Variants in SPEG observed in about 807,000 individuals in gnomAD.
SPEG encodes the protein striated muscle enriched protein kinase.
A neutral mutation model predicts 300.4 loss-of-function variants in SPEG; 114 were observed. The ratio of observed to expected loss-of-function variants is 0.38; its 90% CI spans 0.33 to 0.44. The LOEUF (loss-of-function observed/expected upper bound fraction) is 0.44. Among genes scored for constraint, SPEG ranks in the 20% least tolerant of loss-of-function variants. SPEG has a pLI of 1.00. For missense variants in SPEG, 4,201 were observed against 4,586.2 expected (o/e 0.92, Z 2.43); for synonymous variants, 1,964 against 2,018.9 (o/e 0.97, Z 0.73).
Position 219,466,149 on chromosome 2 carries a change from C to T in SPEG, c.2882-1025C>T, listed in dbSNP as rs1202349367. The stretch of plus-strand genomic sequence containing the variant: ...ACCTCTCGGACCTCGCTGTGTTTCA[C>T]TGCCTCCTGCCCACAGACCCAGGCC... On this transcript the variant is annotated intron_variant, in intron 9 of 40. Transcript: ENST00000312358. 7 of 1,540,484 alleles carry T rather than the reference C, an allele frequency of 4.5e-6. No homozygotes were observed. The East Asian group carries it at 1.7e-4, about 37-fold the overall frequency.
intron 4 of SPEG, among the ~76,000 whole-genome samples, chr2:219,450,085 C>A (rs921957512): frequency 2.0e-5 from 3 of 152,210 alleles, no homozygotes; most frequent in African/African-American, 7.2e-5. Flanking sequence ...GGATCTCTTT[C>A]ATTGCACTTA....
rs1274977182 is a variant in SPEG, at chr2:219,449,197, G to T, written c.2039G>T (p.Trp680Leu). 1.4e-5 allele frequency: 19 copies of T among 1,395,546 alleles called. No homozygotes were observed. Among genetic ancestry groups the T allele is most frequent in the Non-Finnish European group, 1.6e-5 (17 of 1,075,674 alleles). 86.4% of individuals were successfully genotyped at this position (1,395,546 alleles called of 1,614,324 possible). A position where few individuals can be genotyped will look rare whatever the true frequency, so the allele number is the denominator to read the frequency against. ...AGAGGGCCGGAGGAGGACGGTCCCT[G>T]GGGGCCCTGGGACCGCCGAGGGGCC... The part of the protein sequence containing the change: ...LRRGPEEDGP[W>L]GPWDRRGARS... The change falls in exon 4 of 41, where the codon TGG (tryptophan) becomes TTG (leucine). Residue 680 changes from tryptophan to leucine, a missense_variant. Trp to Leu is a moderately conservative substitution (Grantham distance 61). This residue lies in a region of SPEG where 1,258 missense variants were observed against 1,293.9 expected (regional missense o/e 0.97). Coordinates refer to ENST00000312358, the MANE Select transcript of SPEG (RefSeq NM_005876.5).
chr2:219,483,674 C>T lies in SPEG; in HGVS notation c.6211C>T (p.Arg2071Cys). ...GEYAQRLQAL[R>C]QRLLRGGPED... Reference sequence around the variant, plus strand: ...GTATGCCCAGAGGCTGCAGGCCCTGCGCCAGCGGCTGCTGCGGGGAGGCCC... The same window carrying T: ...GTATGCCCAGAGGCTGCAGGCCCTGTGCCAGCGGCTGCTGCGGGGAGGCCC... The change falls in exon 30 of 41, where the codon CGC becomes TGC. Residue 2071 changes from arginine (R) to cysteine (C), a missense_variant. Arg to Cys is a radical substitution (Grantham distance 180). Transcript: ENST00000312358. 1 of 1,534,020 alleles carries T rather than the reference C, an allele frequency of 6.5e-7. No homozygotes were observed. The highest frequency in any genetic ancestry group is 8.7e-7 in the Non-Finnish European group (1 of 1,146,800).
rs1691048953 is a variant in SPEG at position 219,464,352 on chromosome 2, T to C, written c.2706-81T>C. The C allele has an allele frequency of 2.4e-5, 35 of 1,430,202 alleles. No individual in the cohort carries two copies. Among genetic ancestry groups the C allele is most frequent in the Admixed American group, 3.7e-5 (2 of 53,520 alleles). 88.6% of individuals were successfully genotyped at this position (1,430,202 alleles called of 1,614,324 possible). A position where few individuals can be genotyped will look rare whatever the true frequency, so the allele number is the denominator to read the frequency against. On this transcript the variant is annotated intron_variant, in intron 8 of 40. Coordinates refer to ENST00000312358, the MANE Select transcript of SPEG (RefSeq NM_005876.5). This position sits in a 1 kb window ranked among gnomAD's most constrained non-coding sequence, Gnocchi z 4.5. ...CAAACTGCACAGGGAAGGAGAGGCC[T>C]GCACAGTGCTGCAGCCCCAGTTCCT...
rs374730725 is a variant in SPEG, at chr2:219,447,241, G to A, written c.816-733G>A. 2.0e-4 allele frequency among the ~76,000 whole-genome samples: 31 copies of A among 151,560 alleles called. 3 individuals are homozygous for A. The highest frequency in any genetic ancestry group is 7.5e-4 in the African/African-American group (31 of 41,358). On this transcript the variant is annotated intron_variant, in intron 3 of 40. Transcript: ENST00000312358. Reference sequence around the variant, plus strand: ...GGGGGGGCCTTCTGTACTTCTCAGGGGGGATTTCTAAGGACTCAAGGTAGC... The same window carrying A: ...GGGGGGGCCTTCTGTACTTCTCAGGAGGGATTTCTAAGGACTCAAGGTAGC...
In SPEG at chr2:219,472,925, G is replaced by A. The variant is rs1438556859; in HGVS notation, c.3976G>A (p.Val1326Met). 6.2e-7 allele frequency: 1 copy of A among 1,613,012 alleles called. No homozygotes were observed. The highest frequency in any genetic ancestry group is 2.2e-5 in the East Asian group (1 of 44,848). The change falls in exon 16 of 41, where the codon GTG becomes ATG. Residue 1326 changes from valine to methionine, a missense_variant. Transcript: ENST00000312358. The stretch of plus-strand genomic sequence containing the variant: ...CCTGACGTACACAGTGCAGCACCAG[G>A]TGCTGGGCTCGGACCAGTGGACGGC... ...DSLTYTVQHQ[V>M]LGSDQWTALV...
chr2:219,442,013 C>T, intron 1 of SPEG: 1 of 750,752 alleles, frequency 1.3e-6, no homozygotes, highest in Non-Finnish European at 1.8e-6. Context: ...CGCCCGTCCC[C>T]TCCTCGCCCG....
At position 219,473,454 on chromosome 2, in the gene SPEG, G is replaced by A; in HGVS notation, c.4148-50G>A. On this transcript the variant is annotated intron_variant, in intron 16 of 40. Coordinates refer to ENST00000312358, the MANE Select transcript of SPEG (RefSeq NM_005876.5). The surrounding 1 kb of genome is among the most constrained non-coding windows in gnomAD (Gnocchi z 4.6). ...GGGTGTTAGAGGAGTGGTGGGTGCT[G>A]AGGACCTGATGTCAAGCCCAGCACA... The A allele has an allele frequency of 6.3e-7, 1 of 1,583,808 alleles. No homozygotes were observed. Among genetic ancestry groups the A allele is most frequent in the South Asian group, 1.1e-5 (1 of 89,990 alleles).
At position 219,472,923 on chromosome 2, in the gene SPEG, AGGTGCTGG is replaced by A; in HGVS notation, c.3976_3983del (p.Val1326LeufsTer23). 1 of 1,612,788 alleles carries A rather than the reference AGGTGCTGG, an allele frequency of 6.2e-7. No homozygotes were observed. The highest frequency in any genetic ancestry group is 8.5e-7 in the Non-Finnish European group (1 of 1,179,294). On this transcript the variant is annotated frameshift_variant, in exon 16 of 41. Coordinates refer to ENST00000312358, the MANE Select transcript of SPEG (RefSeq NM_005876.5). LOFTEE classifies it high-confidence loss of function. ...TCCCTGACGTACACAGTGCAGCACC[AGGTGCTGG>A]GCTCGGACCAGTGGACGGCACTGGT...
At position 219,491,891 on chromosome 2, in the gene SPEG, G is replaced by A. The variant is rs112160110; in HGVS notation, c.9461+22G>A. ...TTATGTGAGTGTCCCCTACCCCACCGCAGCCCTCTCTGCCCATACAGTGAG... is the reference window on the plus strand; with the variant it reads ...TTATGTGAGTGTCCCCTACCCCACCACAGCCCTCTCTGCCCATACAGTGAG... On this transcript the variant is annotated intron_variant, in intron 39 of 40. Transcript: ENST00000312358. 1.4e-3 allele frequency: 2,161 copies of A among 1,570,432 alleles called. 17 individuals carry two copies. The highest frequency in any genetic ancestry group is 8.1e-3 in the Middle Eastern group (48 of 5,908).
At chr2:219,486,100 C>T (rs1290416060) in intron 31 of SPEG, among the ~76,000 whole-genome samples, 1 of 152,364 alleles carries the variant, frequency 6.6e-6, no homozygotes, top group East Asian at 1.9e-4. Flanking sequence ...ACCTGACTGC[C>T]CCTCCCTGAC....
intron 3 of SPEG, among the ~76,000 whole-genome samples, chr2:219,446,971 ATTCCTTT>A (rs1689336355): frequency 1.0e-5 from 1 of 96,816 alleles, no homozygotes; most frequent in Non-Finnish European, 1.9e-5. Flanking sequence ...AATACATTTA[ATTCCTTT>A]TTTTTTTTTT....
chr2:219,482,916 C>T, intron 29 of SPEG, 64 bp downstream of exon 29: 1 of 1,532,370 alleles, frequency 6.5e-7, no homozygotes, highest in Non-Finnish European at 9.0e-7. Context: ...CTGCCTTCCC[C>T]CTCCCGTGGG....
intron 13 of SPEG, among the ~76,000 whole-genome samples, chr2:219,471,082 C>T (rs979111224): frequency 1.3e-5 from 2 of 151,804 alleles, no homozygotes; most frequent in South Asian, 2.1e-4. Flanking sequence ...TGAAAAGCAG[C>T]GTGGGCCAGT....
At position 219,467,171 on chromosome 2, in the gene SPEG, C is replaced by T; in HGVS notation, c.2882-3C>T. 3 of 1,570,718 alleles carry T rather than the reference C, an allele frequency of 1.9e-6. No homozygotes were observed. Among genetic ancestry groups the T allele is most frequent in the East Asian group, 4.5e-5 (2 of 44,412 alleles). ...GTGGCCCCCGTGGCTGCTTTCCCCT[C>T]AGCACACCCTGAAAGCCGGTCCCTG... On this transcript the variant is annotated splice_region_variant and splice_polypyrimidine_tract_variant and intron_variant, in intron 9 of 40. Coordinates refer to ENST00000312358, the MANE Select transcript of SPEG (RefSeq NM_005876.5).
chr2:219,480,708 C>G lies in SPEG; in HGVS notation c.5369+11C>G. On this transcript the variant is annotated intron_variant, in intron 26 of 40. Transcript: ENST00000312358. This position sits in a 1 kb window ranked among gnomAD's most constrained non-coding sequence, Gnocchi z 5.3. ...TGTTGCCTTCCTCTGGTAAGGACCC[C>G]TCTGCAATGTCCCAGCAGTCTCCTG... 1 of 1,613,662 alleles carries G rather than the reference C, an allele frequency of 6.2e-7. No individual in the cohort carries two copies. Among genetic ancestry groups the G allele is most frequent in the Non-Finnish European group, 8.5e-7 (1 of 1,179,618 alleles).
intron 10 of SPEG, 99 bp downstream of exon 10, chr2:219,467,533 AC>A: frequency 7.1e-7 from 1 of 1,406,658 alleles, no homozygotes; most frequent in East Asian, 2.3e-5. Context: ...CAGAGCTCCA[AC>A]CCCGAGGGGA....
intron 14 of SPEG, 78 bp downstream of exon 14, chr2:219,472,065 C>T (rs1045765532): frequency 1.9e-6 from 3 of 1,569,738 alleles, no homozygotes; most frequent in East Asian, 2.3e-5. Flanking sequence ...GGAAAGGGGC[C>T]TCCACCCAGC....
Position 219,447,998 on chromosome 2 carries a change from C to A in SPEG, c.840C>A (p.Arg280=), listed in dbSNP as rs1185296198. 6.2e-7 allele frequency: 1 copy of A among 1,612,606 alleles called. No individual in the cohort carries two copies. The highest frequency in any genetic ancestry group is 8.5e-7 in the Non-Finnish European group (1 of 1,179,898). The change falls in exon 4 of 41, where the codon CGC becomes CGA. Residue 280 remains arginine (R), a synonymous_variant. Transcript: ENST00000312358. ...GCAGCGTCCCTCAGAGCGGGTTGCG[C>A]AGGGAGGAGCCCGACCTTCAGCCTC... ...IHVSVPQSGL[R]REEPDLQPQL...
Sources: gnomAD v4.1 joint callset for allele counts (sites outside exome capture counted in the v4.1 genomes callset) on GRCh38, gnomAD v4.1.1 for gene constraint, gnomAD v4.1.1 regional missense constraint, Gnocchi (gnomAD v3.1) non-coding constraint, MANE v1.5 for transcripts, NCBI Gene and HGNC (gene_info 2026-07-23, HGNC 2026-07-21) for gene names.